Variants in PRKAR1B observed in about 807,000 individuals in gnomAD.
PRKAR1B encodes the protein cAMP-dependent protein kinase type I-beta regulatory subunit.
PRKAR1B carries 22 observed loss-of-function variants against 46.5 expected under a neutral mutation model. The observed-to-expected ratio is 0.47, with a 90% confidence interval of 0.34 to 0.68. The LOEUF (loss-of-function observed/expected upper bound fraction) is 0.68. PRKAR1B is among the 30% of genes least tolerant of loss of function. PRKAR1B has a pLI of 0.01. For missense variants in PRKAR1B, 445 were observed against 535.6 expected, an observed-to-expected ratio of 0.83 and a Z score of 1.67; for synonymous variants, 259 against 217.7, an observed-to-expected ratio of 1.19 and a Z score of -1.67.
intron 6 of PRKAR1B, among the ~76,000 whole-genome samples, chr7:601,129 C>T (rs1422626782): frequency 2.6e-5 from 4 of 152,212 alleles, no homozygotes; most frequent in African/African-American, 9.6e-5. Context: ...GGGACGGCTT[C>T]CTGATGGGCC....
intron 4 of PRKAR1B, among the ~76,000 whole-genome samples, chr7:631,055 G>A (rs996586022): frequency 1.3e-5 from 2 of 151,482 alleles, no homozygotes; most frequent in East Asian, 1.9e-4. Context: ...TGGTTCAAGC[G>A]ATTTTCCTGC....
chr7:566,655 TCATCAC>T (rs199898560), intron 9 of PRKAR1B, among the ~76,000 whole-genome samples: 6 of 7,618 alleles, frequency 7.9e-4, no homozygotes, highest in Non-Finnish European at 1.3e-3. Flanking sequence ...TTGATCACCA[TCATCAC>T]CATCACCTTC....
intron 7 of PRKAR1B, among the ~76,000 whole-genome samples, chr7:591,423 T>C (rs1439478967): frequency 6.6e-6 from 1 of 151,818 alleles, no homozygotes; most frequent in Non-Finnish European, 1.5e-5. Context: ...GCGGGGGCGC[T>C]AGAAGTGGCT....
chr7:681,060 G>A (rs756405716), intron 2 of PRKAR1B, among the ~76,000 whole-genome samples: 1 of 152,110 alleles, frequency 6.6e-6, no homozygotes, highest in Non-Finnish European at 1.5e-5. Flanking sequence ...CCCCCTTGCT[G>A]TTCTCGTGAT....
chr7:726,750 G>C (rs878855037), intron 1 of PRKAR1B: 5 of 1,246,482 alleles, frequency 4.0e-6, no homozygotes, highest in Non-Finnish European at 1.0e-6. Flanking sequence ...CGGAGGCCGT[G>C]GCGGCCCCAC....
At chr7:726,600 G>T in intron 1 of PRKAR1B, 1 of 753,284 alleles carries the variant, frequency 1.3e-6, no homozygotes, top group South Asian at 6.7e-5. Flanking sequence ...GCCCACGTGC[G>T]CACCGGCGGG....
At chr7:669,696 G>A (rs1229592387) in intron 4 of PRKAR1B, among the ~76,000 whole-genome samples, 3 of 151,456 alleles carry the variant, frequency 2.0e-5, no homozygotes, top group Non-Finnish European at 2.9e-5. Flanking sequence ...CCCAGGAGAC[G>A]GAGGTTGCAG....
intron 7 of PRKAR1B, among the ~76,000 whole-genome samples, chr7:588,680 GAT>G (rs1562541924): frequency 0.016 from 387 of 24,758 alleles, 4 homozygotes; most frequent in South Asian, 0.082. Flanking sequence ...TGGTGATGAC[GAT>G]GATGGTGATG....
At chr7:619,008 T>A (rs1334056903) in intron 4 of PRKAR1B, among the ~76,000 whole-genome samples, 1 of 152,222 alleles carries the variant, frequency 6.6e-6, no homozygotes, top group Non-Finnish European at 1.5e-5. Context: ...CATGTCTGCC[T>A]GGGCTGCCAT....
At chr7:619,085 T>C (rs571988030) in intron 4 of PRKAR1B, among the ~76,000 whole-genome samples, 1 of 151,996 alleles carries the variant, frequency 6.6e-6, no homozygotes, top group African/African-American at 2.4e-5. Flanking sequence ...TGGAGTAGGG[T>C]TGGCCCTAAC....
chr7:720,081 A>AGTT (rs1409672745), intron 1 of PRKAR1B, among the ~76,000 whole-genome samples: 1 of 59,708 alleles, frequency 1.7e-5, no homozygotes, highest in Non-Finnish European at 3.2e-5. Flanking sequence ...TTTGAGAGGG[A>AGTT]GTTTCACTCT....
At chr7:690,232 G>A (rs989865349) in intron 2 of PRKAR1B, among the ~76,000 whole-genome samples, 5 of 151,684 alleles carry the variant, frequency 3.3e-5, no homozygotes, top group Non-Finnish European at 4.4e-5. Flanking sequence ...GGAGGCAGAC[G>A]TTGCAGTGAG....
chr7:647,448 G>C (rs550068176), intron 4 of PRKAR1B, among the ~76,000 whole-genome samples: 1 of 151,744 alleles, frequency 6.6e-6, no homozygotes, highest in African/African-American at 2.4e-5. Flanking sequence ...CTCCCACTCC[G>C]TCCGGTCTTT....
chr7:604,415 C>G (rs1781872943), intron 6 of PRKAR1B, among the ~76,000 whole-genome samples: 1 of 152,206 alleles, frequency 6.6e-6, no homozygotes, highest in Admixed American at 6.5e-5. Context: ...GTTTCCATCT[C>G]TAGGGGAGAC....
chr7:669,567 C>G (rs1786108657), intron 4 of PRKAR1B, among the ~76,000 whole-genome samples: 1 of 151,942 alleles, frequency 6.6e-6, no homozygotes, highest in Non-Finnish European at 1.5e-5. Flanking sequence ...AGTTCAAGAC[C>G]AGCCTGGCCA....
chr7:646,278 A>C (rs914833132), intron 4 of PRKAR1B, among the ~76,000 whole-genome samples: 1 of 152,232 alleles, frequency 6.6e-6, no homozygotes, highest in Non-Finnish European at 1.5e-5. Flanking sequence ...TCCTGGATTC[A>C]AGCGATCCTC....
intron 9 of PRKAR1B, among the ~76,000 whole-genome samples, chr7:564,244 A>G (rs1192726174): frequency 6.6e-6 from 1 of 152,134 alleles, no homozygotes; most frequent in Non-Finnish European, 1.5e-5. Context: ...ATCTGGATGG[A>G]CGGGAGGTGG....
intron 2 of PRKAR1B, among the ~76,000 whole-genome samples, chr7:696,261 C>T (rs1779734466): frequency 6.6e-6 from 1 of 151,484 alleles, no homozygotes; most frequent in African/African-American, 2.4e-5. Flanking sequence ...CAGCACCCGG[C>T]CCCAATGGAA....
At chr7:583,741 C>T (rs1166773504) in intron 8 of PRKAR1B, among the ~76,000 whole-genome samples, 1 of 151,952 alleles carries the variant, frequency 6.6e-6, no homozygotes, top group Non-Finnish European at 1.5e-5. Context: ...CACATGCACA[C>T]ACCCATGCAT....
Sources: gnomAD v4.1 joint callset for allele counts (sites outside exome capture counted in the v4.1 genomes callset) on GRCh38, gnomAD v4.1.1 for gene constraint, MANE v1.5 for transcripts, NCBI Gene and HGNC (gene_info 2026-07-23, HGNC 2026-07-21) for gene names.